Variants in DGKI observed in about 807,000 individuals in gnomAD.
The protein encoded by DGKI is diacylglycerol kinase iota.
In DGKI, 55 loss-of-function variants were observed where a neutral mutation model predicts 147.5. That is an observed-to-expected ratio of 0.37 (90% CI 0.30 to 0.47). The LOEUF is 0.47. Among genes scored for constraint, DGKI ranks in the 20% least tolerant of loss-of-function variants. The pLI is 1.00. For missense variants in DGKI, 1,007 were observed against 1,323.8 expected (o/e 0.76, Z 3.71); for synonymous variants, 469 against 477.1 (o/e 0.98, Z 0.22).
chr7:137,753,765 C>A (rs1227172573), intron 1 of DGKI, among the ~76,000 whole-genome samples: 1 of 152,166 alleles, frequency 6.6e-6, no homozygotes, highest in Non-Finnish European at 1.5e-5. Context: ...GAAGTCGCCT[C>A]TATTGCCATG....
At chr7:137,657,163 C>T (rs895780172) in intron 3 of DGKI, among the ~76,000 whole-genome samples, 3 of 152,206 alleles carry the variant, frequency 2.0e-5, no homozygotes, top group Admixed American at 6.5e-5. Flanking sequence ...AAGCAGGAAA[C>T]GCTGCTAATA....
chr7:137,740,555 C>T (rs6957797), intron 1 of DGKI, among the ~76,000 whole-genome samples: 73,377 of 151,996 alleles, frequency 0.48, 20,001 homozygotes, highest in African/African-American at 0.75. Context: ...AATCAGAGGT[C>T]GTCTGCAAGA....
In DGKI at chr7:137,798,192, T is replaced by C. The variant is rs536404570; in HGVS notation, c.401+48270A>G. Among the ~76,000 whole-genome samples, 86 of 152,116 alleles carry C rather than the reference T, an allele frequency of 5.7e-4. 1 individual carries two copies. The highest frequency in any genetic ancestry group is 1.2e-3 in the Admixed American group (18 of 15,286). ...CCTATAATAACCAAAGAGACTGAAT[T>C]AGTAATTTTAAAAGTTCTCACAATG... On this transcript the variant is annotated intron_variant, in intron 1 of 32. Coordinates refer to ENST00000614521, the MANE Select transcript of DGKI (RefSeq NM_001321708.2).
At chr7:137,747,618 T>C (rs1289316436) in intron 1 of DGKI, among the ~76,000 whole-genome samples, 1 of 152,216 alleles carries the variant, frequency 6.6e-6, no homozygotes, top group Non-Finnish European at 1.5e-5. Flanking sequence ...TTGTGGAATG[T>C]ACTTTTATTT....
At chr7:137,394,212 G>A (rs1319956540) in intron 32 of DGKI, among the ~76,000 whole-genome samples, 3 of 152,064 alleles carry the variant, frequency 2.0e-5, no homozygotes, top group Non-Finnish European at 4.4e-5. Context: ...AGCCATATGC[G>A]ACCCAGGATG....
chr7:137,435,511 C>T (rs1813247158), intron 28 of DGKI, among the ~76,000 whole-genome samples: 1 of 151,972 alleles, frequency 6.6e-6, no homozygotes, highest in African/African-American at 2.4e-5. Context: ...TAGAGAGGGT[C>T]CCGCAAGCAG....
At position 137,587,224 on chromosome 7, in the gene DGKI, G is replaced by A. The variant is rs1333852710; in HGVS notation, c.1312-14C>T. The A allele has an allele frequency of 1.6e-5, 25 of 1,593,696 alleles. No homozygotes were observed. The highest frequency in any genetic ancestry group is 2.7e-5 in the African/African-American group (2 of 73,720). ...GATCCAGCCCACCTACAGGCGTATC[G>A]GGGGCCAGAAGAGATATAAGAAAGA... On this transcript the variant is annotated splice_polypyrimidine_tract_variant and intron_variant, in intron 12 of 32. Coordinates refer to ENST00000614521, the MANE Select transcript of DGKI (RefSeq NM_001321708.2).
In DGKI at chr7:137,677,035, G is replaced by C. The variant is rs181256374; in HGVS notation, c.606+1522C>G. 4.4e-3 allele frequency among the ~76,000 whole-genome samples: 669 copies of C among 152,240 alleles called. 4 individuals are homozygous for C. Among genetic ancestry groups the C allele is most frequent in the Non-Finnish European group, 7.0e-3 (477 of 68,014 alleles). ...TTTATTATCTTACATCCCAGGACCAGTGTTTACGCAATTAACCAAGACACT... is the reference window on the plus strand; with the variant it reads ...TTTATTATCTTACATCCCAGGACCACTGTTTACGCAATTAACCAAGACACT... On this transcript the variant is annotated intron_variant, in intron 3 of 32. Coordinates refer to ENST00000614521, the MANE Select transcript of DGKI (RefSeq NM_001321708.2).
intron 2 of DGKI, among the ~76,000 whole-genome samples, chr7:137,680,546 G>A (rs1823200067): frequency 6.6e-6 from 1 of 152,176 alleles, no homozygotes; most frequent in African/African-American, 2.4e-5. Flanking sequence ...TCAGGAGGCT[G>A]AGGCAGGCAA....
intron 21 of DGKI, among the ~76,000 whole-genome samples, chr7:137,517,268 GA>G (rs1816783954): frequency 1.1e-5 from 1 of 90,806 alleles, no homozygotes; most frequent in Admixed American, 1.1e-4. Flanking sequence ...AAGAAAGAAA[GA>G]AAGAAAAGAA....
intron 1 of DGKI, among the ~76,000 whole-genome samples, chr7:137,834,201 A>G (rs1367664768): frequency 1.3e-5 from 2 of 152,208 alleles, no homozygotes. Context: ...TTTTTCTGAG[A>G]GACACTTAGG....
chr7:137,456,870 C>T (rs1003256970), intron 27 of DGKI, among the ~76,000 whole-genome samples: 5 of 152,140 alleles, frequency 3.3e-5, no homozygotes, highest in Admixed American at 6.5e-5. Flanking sequence ...ACTAACTGAA[C>T]TTGGAAAGGT....
At chr7:137,566,845 C>T (rs546354269) in intron 19 of DGKI, among the ~76,000 whole-genome samples, 100 of 145,592 alleles carry the variant, frequency 6.9e-4, no homozygotes, top group African/African-American at 2.3e-3. Context: ...AGATGTCTTA[C>T]AGAGATTTTG....
At chr7:137,770,662 T>C (rs1796165472) in intron 1 of DGKI, among the ~76,000 whole-genome samples, 1 of 95,212 alleles carries the variant, frequency 1.1e-5, no homozygotes, top group Non-Finnish European at 1.9e-5. Context: ...GCCTCCCAAG[T>C]AGCTGGGACT....
chr7:137,406,712 C>T (rs1290595123), intron 30 of DGKI, among the ~76,000 whole-genome samples: 1 of 152,132 alleles, frequency 6.6e-6, no homozygotes, highest in Non-Finnish European at 1.5e-5. Flanking sequence ...CTATCTGTGG[C>T]TTTACCATAG....
chr7:137,524,425 T>C (rs185687631), intron 20 of DGKI, among the ~76,000 whole-genome samples: 1 of 152,226 alleles, frequency 6.6e-6, no homozygotes, highest in East Asian at 1.9e-4. Flanking sequence ...CACGTCCATA[T>C]GTAAATAAAC....
At chr7:137,652,402 T>C (rs1199723381) in intron 5 of DGKI, among the ~76,000 whole-genome samples, 1 of 152,176 alleles carries the variant, frequency 6.6e-6, no homozygotes, top group Non-Finnish European at 1.5e-5. Flanking sequence ...GAGAGATACA[T>C]ATTGGAGGGC....
In DGKI at chr7:137,384,953, T is replaced by G. The variant is rs1811142015; in HGVS notation, c.*6267A>C. On this transcript the variant is annotated 3_prime_UTR_variant, in exon 33 of 33. Transcript: ENST00000614521. ...ACCTCCCTTGTGGTTGCCACGCTGG[T>G]GGCAGAAGCCAAAGAGTTTTCCATG... The G allele has an allele frequency of 6.6e-6, 1 of 152,124 alleles. No homozygotes were observed. 9.4% of individuals were successfully genotyped at this position (152,124 alleles called of 1,614,324 possible).
chr7:137,584,405 C>T (rs1379761552), intron 14 of DGKI, among the ~76,000 whole-genome samples: 1 of 152,146 alleles, frequency 6.6e-6, no homozygotes, highest in African/African-American at 2.4e-5. Context: ...ACCAAAGGAC[C>T]AACTGAAGGC....
Sources: gnomAD v4.1 joint callset for allele counts (sites outside exome capture counted in the v4.1 genomes callset) on GRCh38, gnomAD v4.1.1 for gene constraint, MANE v1.5 for transcripts, NCBI Gene and HGNC (gene_info 2026-07-23, HGNC 2026-07-21) for gene names.